Variants in JAKMIP2 observed in about 807,000 individuals in gnomAD.
JAKMIP2 encodes janus kinase and microtubule interacting protein 2.
Under a neutral mutation model 115.0 loss-of-function variants are expected in JAKMIP2, and 25 were observed. The observed-to-expected ratio is 0.22, with a 90% CI of 0.16 to 0.30. The LOEUF is 0.30. Among genes scored for constraint, JAKMIP2 ranks in the 10% least tolerant of loss-of-function variants. The pLI is 1.00. For missense variants in JAKMIP2, 642 were observed against 957.6 expected (o/e 0.67, Z 4.35); for synonymous variants, 334 against 343.6 (o/e 0.97, Z 0.31).
chr5:147,650,786 T>C (rs1039377618), intron 3 of JAKMIP2, among the ~76,000 whole-genome samples: 7 of 152,128 alleles, frequency 4.6e-5, no homozygotes, highest in African/African-American at 1.7e-4. Flanking sequence ...TGTGAAGATG[T>C]TTTGACTCAA....
rs896276181 is a variant in JAKMIP2 at position 147,632,550 on chromosome 5, T to G, written c.1776+130A>C. The G allele has an allele frequency of 8.3e-5, 54 of 649,804 alleles. 1 individual carries two copies. The highest frequency in any genetic ancestry group is 2.8e-4 in the South Asian group (13 of 47,072). 40.3% of individuals were successfully genotyped at this position (649,804 alleles called of 1,614,324 possible). A position where few individuals can be genotyped will look rare whatever the true frequency, so the allele number is the denominator to read the frequency against. ...CTCAGTTGCCTCCACTATATAATTT[T>G]GAGGGTGATTGTGAGGTCCAAATGA... On this transcript the variant is annotated intron_variant, in intron 13 of 21. Coordinates refer to ENST00000616793, the MANE Select transcript of JAKMIP2 (RefSeq NM_001270941.2).
intron 1 of JAKMIP2, among the ~76,000 whole-genome samples, chr5:147,680,931 A>G (rs993554288): frequency 6.6e-6 from 1 of 152,318 alleles, no homozygotes; most frequent in East Asian, 1.9e-4. Flanking sequence ...CATTCAGCAT[A>G]GTAGCAATTT....
chr5:147,742,097 C>A (rs1270205223), intron 1 of JAKMIP2, among the ~76,000 whole-genome samples: 1 of 146,548 alleles, frequency 6.8e-6, no homozygotes, highest in Non-Finnish European at 1.5e-5. Flanking sequence ...ATTGCTTTAT[C>A]TGTGACCTTC....
At chr5:147,640,854 CAT>C (rs1208104500) in intron 8 of JAKMIP2, 31 bp from the exon 9 acceptor site, 2 of 1,603,204 alleles carry the variant, frequency 1.2e-6, no homozygotes, top group Non-Finnish European at 1.7e-6. Flanking sequence ...TATTTACTGA[CAT>C]AGCTAACAGT....
intron 1 of JAKMIP2, among the ~76,000 whole-genome samples, chr5:147,677,983 C>T (rs1760060874): frequency 6.6e-6 from 1 of 152,008 alleles, no homozygotes; most frequent in Non-Finnish European, 1.5e-5. Context: ...CTATTCTTCC[C>T]TCCCCACCTG....
At chr5:147,711,906 G>A (rs1332696362) in intron 1 of JAKMIP2, among the ~76,000 whole-genome samples, 2 of 152,200 alleles carry the variant, frequency 1.3e-5, no homozygotes, top group Non-Finnish European at 2.9e-5. Flanking sequence ...GACCTCAGGT[G>A]ATCCACCCGC....
intron 20 of JAKMIP2, among the ~76,000 whole-genome samples, chr5:147,606,826 T>C (rs191015372): frequency 2.6e-4 from 39 of 152,288 alleles, no homozygotes; most frequent in African/African-American, 9.4e-4. Flanking sequence ...ATGGAATGTT[T>C]TTCCATTTGT....
Position 147,624,828 on chromosome 5 carries a change from GT to G in JAKMIP2, c.1996-1140del, listed in dbSNP as rs574245959. On this transcript the variant is annotated intron_variant, in intron 16 of 21. Coordinates refer to ENST00000616793, the MANE Select transcript of JAKMIP2 (RefSeq NM_001270941.2). ...TTTCATGGGTGGGTGGCATGGAAAG[GT>G]TACCTGATTTCTCTAAGTCTCAAGT... 5.7e-3 allele frequency among the ~76,000 whole-genome samples: 867 copies of G among 152,152 alleles called. 10 individuals carry two copies. Among genetic ancestry groups the G allele is most frequent in the African/African-American group, 0.02 (834 of 41,512 alleles).
chr5:147,711,618 A>G (rs1752785139), intron 1 of JAKMIP2, among the ~76,000 whole-genome samples: 1 of 152,194 alleles, frequency 6.6e-6, no homozygotes, highest in South Asian at 2.1e-4. Flanking sequence ...GTCTTTGAGG[A>G]GATTAAATGA....
intron 4 of JAKMIP2, among the ~76,000 whole-genome samples, chr5:147,649,139 T>C (rs1249605036): frequency 3.3e-5 from 5 of 152,220 alleles, no homozygotes; most frequent in African/African-American, 9.6e-5. Flanking sequence ...TATAAGACTG[T>C]TATTATCATA....
intron 1 of JAKMIP2, among the ~76,000 whole-genome samples, chr5:147,731,118 G>A (rs1333686077): frequency 1.3e-5 from 2 of 152,176 alleles, no homozygotes; most frequent in Non-Finnish European, 2.9e-5. Context: ...CAGATTCACA[G>A]AGGCAATGCA....
At chr5:147,763,834 A>G (rs1443163223) in intron 1 of JAKMIP2, among the ~76,000 whole-genome samples, 1 of 152,150 alleles carries the variant, frequency 6.6e-6, no homozygotes, top group Non-Finnish European at 1.5e-5. Flanking sequence ...CAAATAATCA[A>G]GAGTTGGTTA....
chr5:147,762,243 G>A (rs999687085), intron 1 of JAKMIP2, among the ~76,000 whole-genome samples: 3 of 151,964 alleles, frequency 2.0e-5, no homozygotes, highest in African/African-American at 7.3e-5. Flanking sequence ...AAATCATATT[G>A]AGAGCATTTT....
At chr5:147,765,685 A>C (rs2127062277) in intron 1 of JAKMIP2, among the ~76,000 whole-genome samples, 1 of 152,270 alleles carries the variant, frequency 6.6e-6, no homozygotes, top group African/African-American at 2.4e-5. Context: ...TTAACCAAGT[A>C]GTATGTGTTC....
intron 1 of JAKMIP2, among the ~76,000 whole-genome samples, chr5:147,764,967 GGGGAGAGAGAGAGAGAGAGAGA>G (rs1561582746): frequency 2.4e-4 from 5 of 21,252 alleles, no homozygotes; most frequent in Admixed American, 6.0e-4. Flanking sequence ...AGAGAGAGAG[GGGGAGAGAGAGAGAGAGAGAGA>G]GGGAGAGAGA....
Position 147,628,816 on chromosome 5 carries a change from T to G in JAKMIP2, c.1930A>C (p.Asn644His). 1 of 1,612,558 alleles carries G rather than the reference T, an allele frequency of 6.2e-7. No homozygotes were observed. Among genetic ancestry groups the G allele is most frequent in the Non-Finnish European group, 8.5e-7 (1 of 1,178,966 alleles). Reference protein sequence around the residue: ...KQLDILGDNGNLRNEEQVAII... With the variant: ...KQLDILGDNGHLRNEEQVAII... ...GCCACTTGTTCTTCATTTCTTAAAT[T>G]CTGTAAAAAATAAGAAAGGCCGTCA... is the stretch of plus-strand genomic sequence containing the variant. Residue 644 changes from asparagine to histidine, a missense_variant and splice_region_variant, in exon 16 of 22, where the codon AAT (asparagine) becomes CAT (histidine). Asn to His is a moderately conservative substitution (Grantham distance 68). Around this residue, in one of 6 missense-constraint regions of JAKMIP2, gnomAD observed 5 missense variants for 33.0 expected, o/e 0.15. Coordinates refer to ENST00000616793, the MANE Select transcript of JAKMIP2 (RefSeq NM_001270941.2).
intron 21 of JAKMIP2, among the ~76,000 whole-genome samples, chr5:147,601,295 A>C (rs1450449913): frequency 6.6e-6 from 1 of 152,210 alleles, no homozygotes; most frequent in African/African-American, 2.4e-5. Flanking sequence ...GTATTTTAAA[A>C]ATATAGCATA....
intron 1 of JAKMIP2, among the ~76,000 whole-genome samples, chr5:147,692,773 G>C (rs769083465): frequency 5.9e-5 from 9 of 152,122 alleles, no homozygotes; most frequent in Non-Finnish European, 1.2e-4. Flanking sequence ...GCATAATAAA[G>C]CTCGCTCTCT....
intron 1 of JAKMIP2, among the ~76,000 whole-genome samples, chr5:147,749,364 T>C (rs1046192777): frequency 1.3e-5 from 2 of 152,210 alleles, no homozygotes; most frequent in Non-Finnish European, 2.9e-5. Context: ...TTTTTAATCC[T>C]TATTTTATAG....
Sources: allele counts gnomAD v4.1 joint callset (sites outside exome capture counted in the v4.1 genomes callset), GRCh38; gene constraint gnomAD v4.1.1; regional missense constraint gnomAD v4.1.1; transcripts MANE v1.5; gene names NCBI Gene and HGNC (gene_info 2026-07-23, HGNC 2026-07-21).